Variants in GUCY1A2 observed in about 807,000 individuals in gnomAD.
The protein encoded by GUCY1A2 is guanylate cyclase 1 soluble subunit alpha 2.
A neutral mutation model predicts 63.5 loss-of-function variants in GUCY1A2; 27 were observed. The ratio of observed to expected loss-of-function variants is 0.43; its 90% confidence interval spans 0.31 to 0.59. The LOEUF is 0.59. GUCY1A2 is among the 20% of genes least tolerant of loss of function. The pLI, the probability that GUCY1A2 is intolerant of heterozygous loss-of-function variation, is 0.11. For missense variants in GUCY1A2, 768 were observed against 913.3 expected (o/e 0.84, Z 2.05); for synonymous variants, 364 against 343.5 (o/e 1.06, Z -0.66).
chr11:107,003,660 C>A (rs1189312278), intron 1 of GUCY1A2, among the ~76,000 whole-genome samples: 1 of 152,192 alleles, frequency 6.6e-6, no homozygotes, highest in Non-Finnish European at 1.5e-5. Context: ...CAGAGCTAAT[C>A]ATTTTTACTA....
chr11:106,712,447 C>G (rs1387860695), intron 6 of GUCY1A2, among the ~76,000 whole-genome samples: 1 of 152,104 alleles, frequency 6.6e-6, no homozygotes, highest in Non-Finnish European at 1.5e-5. Flanking sequence ...TCTGCTAATT[C>G]TAAGATCTGT....
intron 4 of GUCY1A2, among the ~76,000 whole-genome samples, chr11:106,840,949 T>A (rs1446084814): frequency 6.6e-6 from 1 of 151,960 alleles, no homozygotes. Flanking sequence ...AAAATGGTAA[T>A]AATAGAAGTC....
chr11:106,978,517 T>C (rs1207086414), intron 3 of GUCY1A2, 102 bp downstream of exon 3: 1 of 722,276 alleles, frequency 1.4e-6, no homozygotes, highest in African/African-American at 1.8e-5. Context: ...CAACTTGCCA[T>C]ATTCTCCACA....
At chr11:106,916,524 T>G (rs1860372064) in intron 4 of GUCY1A2, among the ~76,000 whole-genome samples, 1 of 145,326 alleles carries the variant, frequency 6.9e-6, no homozygotes, top group African/African-American at 2.4e-5. Context: ...TTTCAAGATA[T>G]CCTTCATGTT....
intron 4 of GUCY1A2, among the ~76,000 whole-genome samples, chr11:106,829,101 T>A (rs1255961969): frequency 6.6e-6 from 1 of 152,216 alleles, no homozygotes; most frequent in African/African-American, 2.4e-5. Context: ...ACGAACAAAG[T>A]CAATCTGTGA....
At chr11:106,760,030 C>T (rs12798695) in intron 6 of GUCY1A2, among the ~76,000 whole-genome samples, 31,569 of 149,502 alleles carry the variant, frequency 0.21, 3,674 homozygotes, top group South Asian at 0.27. Context: ...CAAGGAACTA[C>T]CAGAATCTAG....
chr11:106,691,301 A>G (rs1014411295), intron 7 of GUCY1A2, among the ~76,000 whole-genome samples: 2 of 152,240 alleles, frequency 1.3e-5, no homozygotes, highest in Non-Finnish European at 2.9e-5. Flanking sequence ...ATCTAAAGGA[A>G]GAAATTCTAC....
chr11:106,813,326 GTCAGGTTCTGTTAAACTA>G (rs1462391163), intron 4 of GUCY1A2, among the ~76,000 whole-genome samples: 2 of 151,936 alleles, frequency 1.3e-5, no homozygotes, highest in African/African-American at 4.8e-5. Context: ...AACCTTGGTT[GTCAGGTTCTGTTAAACTA>G]TCTTCATTAT....
chr11:106,925,639 C>A (rs933415132), intron 4 of GUCY1A2, among the ~76,000 whole-genome samples: 6 of 152,130 alleles, frequency 3.9e-5, no homozygotes, highest in Non-Finnish European at 8.8e-5. Flanking sequence ...CATTATAATA[C>A]ATAATAGTTT....
intron 1 of GUCY1A2, among the ~76,000 whole-genome samples, chr11:106,993,538 T>TA (rs142290359): frequency 0.29 from 43,318 of 151,356 alleles, 7,520 homozygotes; most frequent in Non-Finnish European, 0.39. Context: ...AAATAAAAAA[T>TA]AAAAAAAAGA....
At position 106,768,949 on chromosome 11, in the gene GUCY1A2, C is replaced by T. The variant is rs547233539; in HGVS notation, c.1836+7490G>A. On this transcript the variant is annotated intron_variant, in intron 6 of 7. Transcript: ENST00000526355. ...ATGACCACAGGTATAAGGGTAATACCAAAACATAGAGGTGAACCAGAAGTA... is the reference window on the plus strand; with the variant it reads ...ATGACCACAGGTATAAGGGTAATACTAAAACATAGAGGTGAACCAGAAGTA... Among the ~76,000 whole-genome samples, 4 of 152,114 alleles carry T rather than the reference C, an allele frequency of 2.6e-5. No homozygotes were observed. In the East Asian group the frequency reaches 7.8e-4, roughly 29 times the overall value.
chr11:106,781,042 T>A (rs1299991120), intron 5 of GUCY1A2, among the ~76,000 whole-genome samples: 1 of 149,960 alleles, frequency 6.7e-6, no homozygotes, highest in East Asian at 1.9e-4. Flanking sequence ...CATGTATCAA[T>A]TCCATTGCTC....
intron 5 of GUCY1A2, 78 bp from the exon 6 acceptor site, chr11:106,776,660 A>C (rs1286622311): frequency 3.0e-6 from 4 of 1,339,912 alleles, no homozygotes; most frequent in Non-Finnish European, 4.2e-6. Context: ...TGCAATCACA[A>C]ATGTTGCTGA....
intron 5 of GUCY1A2, among the ~76,000 whole-genome samples, chr11:106,792,823 T>A (rs1026851608): frequency 1.3e-5 from 2 of 152,154 alleles, no homozygotes; most frequent in Non-Finnish European, 2.9e-5. Flanking sequence ...ATTAATTTCA[T>A]CAAGGATGTG....
At chr11:106,799,730 A>G (rs1864836656) in intron 5 of GUCY1A2, among the ~76,000 whole-genome samples, 1 of 152,244 alleles carries the variant, frequency 6.6e-6, no homozygotes, top group Admixed American at 6.5e-5. Context: ...CACCTTATAC[A>G]GAAATTAATT....
chr11:106,999,316 C>T (rs1159995672), intron 1 of GUCY1A2, among the ~76,000 whole-genome samples: 20 of 152,054 alleles, frequency 1.3e-4, no homozygotes, highest in Admixed American at 1.3e-3. Context: ...ATTTTCGTAA[C>T]CTTAATCCAT....
chr11:106,809,184 T>C (rs1407045469), intron 5 of GUCY1A2, among the ~76,000 whole-genome samples: 2 of 152,056 alleles, frequency 1.3e-5, no homozygotes, highest in South Asian at 2.1e-4. Context: ...TATGTATTAG[T>C]AAAGAAGAAA....
chr11:106,940,228 G>A, intron 3 of GUCY1A2, 50 bp from the exon 4 acceptor site: 1 of 835,702 alleles, frequency 1.2e-6, no homozygotes, highest in Non-Finnish European at 1.9e-6. Context: ...ATAAATAATT[G>A]AATTTATAGC....
intron 3 of GUCY1A2, among the ~76,000 whole-genome samples, chr11:106,964,052 C>T (rs767473422): frequency 4.6e-5 from 7 of 151,702 alleles, no homozygotes; most frequent in East Asian, 3.9e-4. Context: ...CACATACACA[C>T]GTATACACAC....
Sources: gnomAD v4.1 joint callset for allele counts (sites outside exome capture counted in the v4.1 genomes callset) on GRCh38, gnomAD v4.1.1 for gene constraint, MANE v1.5 for transcripts, NCBI Gene and HGNC (gene_info 2026-07-23, HGNC 2026-07-21) for gene names.